Variants in CFAP45 observed in about 807,000 individuals in gnomAD.
CFAP45 encodes cilia and flagella associated protein 45, also known as cilia- and flagella-associated protein 45.
A neutral mutation model predicts 75.6 loss-of-function variants in CFAP45; 43 were observed. The ratio of observed to expected loss-of-function variants is 0.57; its 90% CI spans 0.45 to 0.73. CFAP45 has a LOEUF of 0.73. Ranked by LOEUF, CFAP45 falls within the 30% of genes least tolerant of loss-of-function variation. The probability of loss-of-function intolerance (pLI) is 0.00; values close to 1 mark genes in which losing one functional copy is unlikely to be tolerated. For missense variants in CFAP45, 689 were observed against 701.5 expected (o/e 0.98, Z 0.20); for synonymous variants, 223 against 244.6 (o/e 0.91, Z 0.82).
Position 159,887,903 on chromosome 1 carries a change from G to A in CFAP45, c.526C>T (p.Leu176Phe), listed in dbSNP as rs1217436331. The change falls in exon 5 of 12, where the codon CTC becomes TTC. Residue 176 changes from leucine (L) to phenylalanine (F), a missense_variant. By Grantham distance (22) the Leu-to-Phe change is conservative. Coordinates refer to ENST00000368099, the MANE Select transcript of CFAP45 (RefSeq NM_012337.3). ...EEVAKERAQN[L>F]LQRANKLRME... ...CGCAGCTTGTTGGCTCTCTGCAGGA[G>A]GTTCTGGGCCCGTTCCTTGGCCACC... The A allele has an allele frequency of 1.9e-6, 3 of 1,614,248 alleles. No individual in the cohort carries two copies. Among genetic ancestry groups the A allele is most frequent in the Admixed American group, 3.3e-5 (2 of 60,030 alleles).
intron 9 of CFAP45, among the ~76,000 whole-genome samples, chr1:159,876,950 T>A (rs993002646): frequency 2.6e-5 from 4 of 152,142 alleles, no homozygotes; most frequent in African/African-American, 9.7e-5. Context: ...ACCTGAGGGG[T>A]CATCTTGTCC....
chr1:159,899,558 C>T (rs914766992), intron 1 of CFAP45, among the ~76,000 whole-genome samples: 10 of 151,550 alleles, frequency 6.6e-5, no homozygotes, highest in East Asian at 1.9e-4. Flanking sequence ...AGCTCCGCCT[C>T]CCGGGTTCAC....
At chr1:159,884,902 A>G (rs1649640453) in intron 6 of CFAP45, among the ~76,000 whole-genome samples, 1 of 152,168 alleles carries the variant, frequency 6.6e-6, no homozygotes, top group African/African-American at 2.4e-5. Flanking sequence ...CCACCTCCCA[A>G]TTCTTCCCAG....
At chr1:159,878,753 T>TACAAAAAAAAAAAAAAAAAAA (rs1649469112) in intron 8 of CFAP45, among the ~76,000 whole-genome samples, 1 of 32,496 alleles carries the variant, frequency 3.1e-5, no homozygotes, top group Non-Finnish European at 5.8e-5. Flanking sequence ...AGACTACATC[T>TACAAAAAAAAAAAAAAAAAAA]AAAAAAAAAA....
At chr1:159,874,696 C>G (rs766476034) in intron 10 of CFAP45, among the ~76,000 whole-genome samples, 3 of 152,154 alleles carry the variant, frequency 2.0e-5, no homozygotes, top group Non-Finnish European at 4.4e-5. Flanking sequence ...GTCGTTCCAT[C>G]GGGTTAGGGC....
chr1:159,881,697 T>G (rs1009104816), intron 7 of CFAP45, among the ~76,000 whole-genome samples: 1 of 152,238 alleles, frequency 6.6e-6, no homozygotes, highest in African/African-American at 2.4e-5. Flanking sequence ...AGTACCAATG[T>G]GAACAAGGTC....
Position 159,887,832 on chromosome 1 carries a change from A to T in CFAP45, c.588+9T>A, listed in dbSNP as rs1284949204. 6.2e-7 allele frequency: 1 copy of T among 1,605,614 alleles called. No homozygotes were observed. Among genetic ancestry groups the T allele is most frequent in the Admixed American group, 1.7e-5 (1 of 59,598 alleles). Reference sequence around the variant, plus strand: ...ATGCTCAGAGGGAAGGGAGAGACGAAGAGCCCACCTTGCTCATGTCCTTGA... The same window carrying T: ...ATGCTCAGAGGGAAGGGAGAGACGATGAGCCCACCTTGCTCATGTCCTTGA... On this transcript the variant is annotated intron_variant, in intron 5 of 11. Coordinates refer to ENST00000368099, the MANE Select transcript of CFAP45 (RefSeq NM_012337.3).
chr1:159,873,110 G>T lies in CFAP45; in HGVS notation c.1411C>A (p.Arg471Ser), dbSNP rs557035183. 7 of 1,614,128 alleles carry T rather than the reference G, an allele frequency of 4.3e-6. No homozygotes were observed. The highest frequency in any genetic ancestry group is 5.1e-6 in the Non-Finnish European group (6 of 1,180,018). The stretch of plus-strand genomic sequence containing the variant: ...CGGAGCTCATTGGCATGCTGTAAGC[G>T]CCCTGTGGCCTTTTTCTCCTCCTCC... ...RLEEEKKATG[R>S]LQHANELRRQ... The change falls in exon 11 of 12, where the codon CGC becomes AGC. Residue 471 changes from arginine (R) to serine (S), a missense_variant. Physicochemically the swap from Arg to Ser is moderately radical, Grantham distance 110 (BLOSUM62 -1). Coordinates refer to ENST00000368099, the MANE Select transcript of CFAP45 (RefSeq NM_012337.3).
chr1:159,879,399 A>C (rs1301995989), intron 8 of CFAP45, among the ~76,000 whole-genome samples: 1 of 152,232 alleles, frequency 6.6e-6, no homozygotes, highest in African/African-American at 2.4e-5. Context: ...TTTTCAGCCT[A>C]GTCTGACTGG....
chr1:159,899,872 C>T (rs1158898334), intron 1 of CFAP45: 1 of 526,886 alleles, frequency 1.9e-6, no homozygotes, highest in Non-Finnish European at 3.5e-6. Flanking sequence ...CCCAACTCCT[C>T]CGCTCAGCGC....
At position 159,887,964 on chromosome 1, in the gene CFAP45, C is replaced by T. The variant is rs1649731176; in HGVS notation, c.465G>A (p.Val155=). The change falls in exon 5 of 12, where the codon GTG becomes GTA. Residue 155 remains valine (V), a synonymous_variant. Transcript: ENST00000368099. ...CACTGAGCTTCTTGTTGTTGTTCCA[C>T]ACCATCTCCTTCTGTTTCATGATCT... ...RKKIMKQKEM[V]WNNNKKLSDL... 3.1e-6 allele frequency: 5 copies of T among 1,614,250 alleles called. No individual in the cohort carries two copies. The South Asian group carries it at 4.4e-5, about 14-fold the overall frequency.
intron 11 of CFAP45, 55 bp from the exon 12 acceptor site, chr1:159,872,618 G>T: frequency 6.7e-7 from 1 of 1,495,008 alleles, no homozygotes. Flanking sequence ...GACAGGAGGT[G>T]GGAGGAAGCA....
intron 8 of CFAP45, among the ~76,000 whole-genome samples, chr1:159,878,795 T>A (rs1649476868): frequency 3.0e-5 from 2 of 65,714 alleles, no homozygotes; most frequent in African/African-American, 4.0e-5. Flanking sequence ...TTCCTTGCCC[T>A]CATTCTACCT....
chr1:159,876,359 C>T, intron 10 of CFAP45, 197 bp downstream of exon 10: 2 of 598,474 alleles, frequency 3.3e-6, no homozygotes, highest in South Asian at 2.1e-5. Flanking sequence ...TGCTATCTCC[C>T]AATTCTCTAA....
In CFAP45 at chr1:159,886,537, C is replaced by T; in HGVS notation, c.741G>A (p.Glu247=). 6.2e-7 allele frequency: 1 copy of T among 1,614,208 alleles called. No homozygotes were observed. The highest frequency in any genetic ancestry group is 1.3e-5 in the African/African-American group (1 of 75,062). Residue 247 remains glutamate, a synonymous_variant, in exon 6 of 12, where the codon GAG becomes GAA. Transcript: ENST00000368099. ...QKSIQRQEEL[E]RKRREERIRG... is the part of the protein sequence containing the mutation. ...TAATTCTTTCCTCCCTCCTCTTCCT[C>T]TCCAGTTCCTCCTGCCTTTGAATGG...
chr1:159,872,984 G>C lies in CFAP45; in HGVS notation c.1537C>G (p.Arg513Gly). 1 of 1,614,178 alleles carries C rather than the reference G, an allele frequency of 6.2e-7. No homozygotes were observed. Among genetic ancestry groups the C allele is most frequent in the South Asian group, 1.1e-5 (1 of 91,084 alleles). The change falls in exon 11 of 12, where the codon CGC becomes GGC. Residue 513 changes from arginine (R) to glycine (G), a missense_variant. Arg to Gly is a moderately radical substitution (Grantham distance 125). Coordinates refer to ENST00000368099, the MANE Select transcript of CFAP45 (RefSeq NM_012337.3). Reference sequence around the variant, plus strand: ...TTTTTCCTCTTGATCTCATCGATGCGCTCACGGCGTTTCTGGGCCTCCTCT... The same window carrying C: ...TTTTTCCTCTTGATCTCATCGATGCCCTCACGGCGTTTCTGGGCCTCCTCT... ...LKEEAQKRRE[R>G]IDEIKRKKLE...
Position 159,887,747 on chromosome 1 carries a change from C to T in CFAP45, c.588+94G>A. 5 of 1,335,730 alleles carry T rather than the reference C, an allele frequency of 3.7e-6. 1 individual carries two copies. Among genetic ancestry groups the T allele is most frequent in the Non-Finnish European group, 5.2e-6 (5 of 969,596 alleles). 82.7% of individuals were successfully genotyped at this position (1,335,730 alleles called of 1,614,324 possible). On this transcript the variant is annotated intron_variant, in intron 5 of 11. Transcript: ENST00000368099. ...CCCCGCCCCACCCCTGCCCACACCC[C>T]CACCAGTCCCTGGCCTTGTCCAGTG...
chr1:159,884,362 C>A, intron 7 of CFAP45, 74 bp downstream of exon 7: 1 of 1,485,660 alleles, frequency 6.7e-7, no homozygotes, highest in Non-Finnish European at 9.0e-7. Context: ...AGTCAACACC[C>A]TGAAACCCCA....
intron 3 of CFAP45, among the ~76,000 whole-genome samples, chr1:159,889,885 C>T (rs1649785967): frequency 6.6e-6 from 1 of 152,200 alleles, no homozygotes; most frequent in African/African-American, 2.4e-5. Flanking sequence ...AAGAGTTAAA[C>T]CACTGAGCAC....
Sources: allele counts gnomAD v4.1 joint callset (sites outside exome capture counted in the v4.1 genomes callset), GRCh38; gene constraint gnomAD v4.1.1; transcripts MANE v1.5; gene names NCBI Gene and HGNC (gene_info 2026-07-23, HGNC 2026-07-21).